The following DNAJC2 variants were observed in gnomAD, a reference collection of about 807,000 sequenced individuals.
DNAJC2 encodes DnaJ heat shock protein family (Hsp40) member C2, also known as dnaJ homolog subfamily C member 2.
DNAJC2 carries 32 observed loss-of-function variants against 94.0 expected under a neutral mutation model. That is an observed-to-expected ratio of 0.34 (90% CI 0.26 to 0.46). The LOEUF is 0.46. Among genes scored for constraint, DNAJC2 ranks in the 20% least tolerant of loss-of-function variants. The pLI is 1.00. For missense variants in DNAJC2, 550 were observed against 719.5 expected, an observed-to-expected ratio of 0.76 and a Z score of 2.69; for synonymous variants, 210 against 229.7, an observed-to-expected ratio of 0.91 and a Z score of 0.77.
At chr7:103,321,720 ACG>A (rs1438740869) in intron 10 of DNAJC2, among the ~76,000 whole-genome samples, 2 of 150,486 alleles carry the variant, frequency 1.3e-5, no homozygotes, top group African/African-American at 2.4e-5. Context: ...GTGGTGGCAC[ACG>A]CCTGTAATCC....
intron 2 of DNAJC2, among the ~76,000 whole-genome samples, chr7:103,340,740 C>T (rs1048337759): frequency 2.0e-5 from 3 of 152,124 alleles, no homozygotes; most frequent in African/African-American, 7.2e-5. Context: ...TACTTTTGTC[C>T]CTTGCTGTTG....
chr7:103,314,548 T>C, intron 15 of DNAJC2: 1 of 985,364 alleles, frequency 1.0e-6, no homozygotes, highest in Non-Finnish European at 1.2e-6. Context: ...CTGAGACTAG[T>C]GTGCTAATAC....
Position 103,312,359 on chromosome 7 carries a change from A to C in DNAJC2, c.*210T>G. 3.2e-6 allele frequency: 5 copies of C among 1,563,890 alleles called. No individual in the cohort carries two copies. Among genetic ancestry groups the C allele is most frequent in the Non-Finnish European group, 4.3e-6 (5 of 1,163,228 alleles). ...AAATGAACATGTATATACATTTGGA[A>C]ATTTGAATTAAATACTGTATCATAC... On this transcript the variant is annotated 3_prime_UTR_variant, in exon 17 of 17. Transcript: ENST00000379263.
intron 15 of DNAJC2, chr7:103,314,568 T>A: frequency 3.0e-6 from 3 of 985,366 alleles, no homozygotes; most frequent in Non-Finnish European, 3.6e-6. Context: ...CCTGTTGTAT[T>A]TTGTGGAGAT....
rs1267859873 is a variant in DNAJC2 at position 103,316,942 on chromosome 7, T to C, written c.1315A>G (p.Asn439Asp). 2 of 1,614,122 alleles carry C rather than the reference T, an allele frequency of 1.2e-6. No individual in the cohort carries two copies. The highest frequency in any genetic ancestry group is 1.7e-5 in the Admixed American group (1 of 60,026). ...AEARMRQASK[N>D]TEKSTGGGGN... Reference sequence around the variant, plus strand: ...CCTCCACCAGTTGATTTCTCTGTGTTCTTAGATGCTTGTCGCATACGAGCC... The same window carrying C: ...CCTCCACCAGTTGATTTCTCTGTGTCCTTAGATGCTTGTCGCATACGAGCC... Residue 439 changes from asparagine to aspartate, a missense_variant, in exon 13 of 17, where the codon AAC becomes GAC. Asn to Asp is a conservative substitution (Grantham distance 23). Transcript: ENST00000379263.
Position 103,320,762 on chromosome 7 carries a change from C to CATAT in DNAJC2, c.1084-922_1084-919dup, listed in dbSNP as rs71519145. The CATAT allele has an allele frequency of 1.0e-3, 136 of 135,904 alleles. 1 individual carries two copies. In the South Asian group the frequency reaches 0.02, roughly 20 times the overall value. 8.4% of individuals were successfully genotyped at this position (135,904 alleles called of 1,614,324 possible). A position where few individuals can be genotyped will look rare whatever the true frequency, so the allele number is the denominator to read the frequency against. The stretch of plus-strand genomic sequence containing the variant: ...CTGTCACAAAATATATATATATACA[C>CATAT]ATATATATATATATATATATATTCT... On this transcript the variant is annotated intron_variant, in intron 10 of 16. Coordinates refer to ENST00000379263, the MANE Select transcript of DNAJC2 (RefSeq NM_014377.3).
At chr7:103,337,642 G>A (rs1362928974) in intron 3 of DNAJC2, 94 bp downstream of exon 3, 3 of 999,206 alleles carry the variant, frequency 3.0e-6, no homozygotes, top group Non-Finnish European at 4.6e-6. Context: ...TGTAGTTATG[G>A]CTGCAGACTA....
At chr7:103,337,555 T>C (rs1237096323) in intron 3 of DNAJC2, 181 bp downstream of exon 3, 3 of 550,290 alleles carry the variant, frequency 5.5e-6, no homozygotes, top group Non-Finnish European at 9.7e-6. Context: ...GTAAAATGGA[T>C]TGCTTTCTTC....
chr7:103,320,616 C>G (rs193257775), intron 10 of DNAJC2, among the ~76,000 whole-genome samples: 1 of 150,598 alleles, frequency 6.6e-6, no homozygotes, highest in East Asian at 2.0e-4. Context: ...AAAAATTAGC[C>G]GGGCGTGGTC....
chr7:103,314,023 G>A (rs1817906517), intron 15 of DNAJC2: 2 of 985,050 alleles, frequency 2.0e-6, no homozygotes, highest in Non-Finnish European at 2.4e-6. Flanking sequence ...ATTAAAGAAG[G>A]AAAAACAAAA....
chr7:103,318,996 G>C (rs944960013), intron 12 of DNAJC2, among the ~76,000 whole-genome samples: 1 of 152,116 alleles, frequency 6.6e-6, no homozygotes, highest in Non-Finnish European at 1.5e-5. Context: ...CGGATCACTT[G>C]AGGTAAGGAG....
chr7:103,342,270 A>G (rs1303519930), intron 1 of DNAJC2, among the ~76,000 whole-genome samples: 1 of 152,136 alleles, frequency 6.6e-6, no homozygotes, highest in Non-Finnish European at 1.5e-5. Context: ...GAAATGTTGC[A>G]AACTACTTTA....
At position 103,344,751 on chromosome 7, in the gene DNAJC2, G is replaced by A. The variant is rs2116089540; in HGVS notation, c.-129C>T. 5.5e-6 allele frequency: 5 copies of A among 910,426 alleles called. No individual in the cohort carries two copies. The East Asian group carries it at 1.0e-4, about 19-fold the overall frequency. The allele number at this position is 910,426 out of a possible 1,614,324, so 56.4% of individuals were successfully genotyped here. On this transcript the variant is annotated 5_prime_UTR_variant, in exon 1 of 17. Transcript: ENST00000379263. ...GGCTCTAAGACGCCCAGGAACCGGC[G>A]CATGGAGACGACCAGTAAGCACTTC...
chr7:103,334,982 C>A (rs568602035), intron 3 of DNAJC2, among the ~76,000 whole-genome samples: 1 of 152,014 alleles, frequency 6.6e-6, no homozygotes, highest in Non-Finnish European at 1.5e-5. Flanking sequence ...TACAGGCATG[C>A]GTCTCCATGC....
At position 103,337,693 on chromosome 7, in the gene DNAJC2, C is replaced by A. The variant is rs1225805253; in HGVS notation, c.331+43G>T. On this transcript the variant is annotated intron_variant, in intron 3 of 16. Transcript: ENST00000379263. ...TTTAAAAAGCATAGCCAGCCTGTTC[C>A]TATACAAGATATTTGATTATTTCAA... 5 of 1,463,368 alleles carry A rather than the reference C, an allele frequency of 3.4e-6. No homozygotes were observed. In the East Asian group the frequency reaches 1.1e-4, roughly 33 times the overall value. 90.6% of individuals were successfully genotyped at this position (1,463,368 alleles called of 1,614,324 possible).
At chr7:103,328,613 A>G (rs1446555518) in intron 3 of DNAJC2, among the ~76,000 whole-genome samples, 2 of 152,062 alleles carry the variant, frequency 1.3e-5, no homozygotes, top group African/African-American at 2.4e-5. Flanking sequence ...CCTGGGTGAC[A>G]GAGTGAGACT....
At chr7:103,322,905 G>T in intron 7 of DNAJC2, 111 bp from the exon 8 acceptor site, 2 of 856,824 alleles carry the variant, frequency 2.3e-6, no homozygotes. Context: ...AGGTTAAAAT[G>T]CTGTGTCATT....
intron 12 of DNAJC2, 66 bp from the exon 13 acceptor site, chr7:103,317,080 G>T: frequency 7.1e-7 from 1 of 1,407,838 alleles, no homozygotes. Context: ...CTCTCTTCCT[G>T]GCTAGGGCTT....
Position 103,326,787 on chromosome 7 carries a change from CATATTTGAAA to C in DNAJC2, c.431-113_431-104del, listed in dbSNP as rs1490183901. ...TTAAAACATAGAAGTCATTAATTTT[CATATTTGAAA>C]ATTTTGTTTGCAGGTTGGGGAGGAT... is the stretch of plus-strand genomic sequence containing the variant. On this transcript the variant is annotated intron_variant, in intron 4 of 16. Transcript: ENST00000379263. 5 of 1,224,964 alleles carry C rather than the reference CATATTTGAAA, an allele frequency of 4.1e-6. No individual in the cohort carries two copies. In the African/African-American group the frequency reaches 7.8e-5, roughly 19 times the overall value. 75.9% of individuals were successfully genotyped at this position (1,224,964 alleles called of 1,614,324 possible).
Sources: allele counts gnomAD v4.1 joint callset (sites outside exome capture counted in the v4.1 genomes callset), GRCh38; gene constraint gnomAD v4.1.1; transcripts MANE v1.5; gene names NCBI Gene and HGNC (gene_info 2026-07-23, HGNC 2026-07-21).